Variants in SNX13 observed in about 807,000 individuals in gnomAD.
The protein encoded by SNX13 is sorting nexin-13.
Under a neutral mutation model 133.6 loss-of-function variants are expected in SNX13, and 45 were observed. That is an observed-to-expected ratio of 0.34 (90% CI 0.27 to 0.43). The LOEUF (loss-of-function observed/expected upper bound fraction) is 0.43, where lower values mean the gene tolerates loss of function less well. SNX13 is among the 20% of genes least tolerant of loss of function. The pLI is 1.00. For missense variants in SNX13, 1,032 were observed against 1,145.1 expected (o/e 0.90, Z 1.43); for synonymous variants, 414 against 373.9 (o/e 1.11, Z -1.24).
intron 15 of SNX13, chr7:17,830,904 GGC>G: frequency 1.0e-6 from 1 of 984,362 alleles, no homozygotes; most frequent in Non-Finnish European, 1.2e-6. Flanking sequence ...CCTACAAGGA[GGC>G]AGCTGATATT....
At chr7:17,815,508 C>T (rs964051173) in intron 19 of SNX13, among the ~76,000 whole-genome samples, 97 of 152,196 alleles carry the variant, frequency 6.4e-4, no homozygotes, top group African/African-American at 2.2e-3. Context: ...TCCCTCGAGC[C>T]CAGGAGTTCA....
At chr7:17,864,753 G>A (rs1357217502) in intron 9 of SNX13, among the ~76,000 whole-genome samples, 1 of 151,304 alleles carries the variant, frequency 6.6e-6, no homozygotes, top group Non-Finnish European at 1.5e-5. Flanking sequence ...AGTCCTAAAA[G>A]CTGCATAAAG....
chr7:17,794,066 C>T lies in SNX13; in HGVS notation c.2853G>A (p.Ala951=), dbSNP rs184459414. 129 of 1,611,288 alleles carry T rather than the reference C, an allele frequency of 8.0e-5. 1 individual carries two copies. The highest frequency in any genetic ancestry group is 2.8e-4 in the Admixed American group (17 of 59,736). ...AGTGTCACCTTTTCTGCAAAGAAGG[C>T]GCTTGAGTAGTTTGAAGTTTCTGTT... ...KYKQKLQTTQ[A]PSLQKR The change falls in exon 26 of 26, where the codon GCG becomes GCA. Residue 951 remains alanine, a synonymous_variant. Transcript: ENST00000428135.
At chr7:17,913,375 A>T (rs1475907347) in intron 1 of SNX13, among the ~76,000 whole-genome samples, 2 of 152,128 alleles carry the variant, frequency 1.3e-5, no homozygotes, top group Non-Finnish European at 2.9e-5. Context: ...CTTCTCCAGA[A>T]GCTTCACCCT....
chr7:17,921,967 C>G (rs147814867), intron 1 of SNX13, among the ~76,000 whole-genome samples: 450 of 152,254 alleles, frequency 3.0e-3, no homozygotes, highest in African/African-American at 0.01. Context: ...AGCATTTCAC[C>G]TCCACCAACA....
At chr7:17,901,916 C>A (rs567345745) in intron 1 of SNX13, among the ~76,000 whole-genome samples, 25 of 152,238 alleles carry the variant, frequency 1.6e-4, no homozygotes, top group African/African-American at 5.5e-4. Context: ...TATTTTTTAA[C>A]CAGTTGTTAG....
At chr7:17,896,080 G>C (rs932076773) in intron 2 of SNX13, among the ~76,000 whole-genome samples, 3 of 152,144 alleles carry the variant, frequency 2.0e-5, no homozygotes, top group African/African-American at 7.2e-5. Context: ...TCACTATTCA[G>C]CCATGCTGTC....
chr7:17,847,075 G>A (rs1472881889), intron 11 of SNX13, among the ~76,000 whole-genome samples: 1 of 152,144 alleles, frequency 6.6e-6, no homozygotes, highest in Non-Finnish European at 1.5e-5. Flanking sequence ...AAAAGTGCCT[G>A]GGTAAATACA....
intron 1 of SNX13, among the ~76,000 whole-genome samples, chr7:17,931,080 G>C (rs1801343698): frequency 6.6e-6 from 1 of 152,104 alleles, no homozygotes; most frequent in African/African-American, 2.4e-5. Context: ...ACTCCCACCA[G>C]GATTAACACT....
At chr7:17,902,808 C>T (rs190324334) in intron 1 of SNX13, among the ~76,000 whole-genome samples, 25 of 152,276 alleles carry the variant, frequency 1.6e-4, no homozygotes, top group African/African-American at 5.5e-4. Context: ...GAGCATGCCG[C>T]GAGCATTAGC....
chr7:17,888,715 C>G, intron 5 of SNX13: 1 of 470,736 alleles, frequency 2.1e-6, no homozygotes, highest in Non-Finnish European at 4.4e-6. Flanking sequence ...CTGCTGTATC[C>G]CCAGCATCTG....
intron 1 of SNX13, among the ~76,000 whole-genome samples, chr7:17,913,735 C>T (rs1285112759): frequency 8.3e-6 from 1 of 119,940 alleles, no homozygotes; most frequent in Non-Finnish European, 1.7e-5. Flanking sequence ...AAAGCCCGAG[C>T]CAAACAATAG....
intron 20 of SNX13, among the ~76,000 whole-genome samples, chr7:17,811,782 C>G (rs145175650): frequency 0.015 from 2,231 of 152,224 alleles, 55 homozygotes; most frequent in African/African-American, 0.051. Context: ...CAGCATGGTA[C>G]TGGTACCAAA....
At chr7:17,905,158 A>G (rs969724031) in intron 1 of SNX13, among the ~76,000 whole-genome samples, 4 of 152,212 alleles carry the variant, frequency 2.6e-5, no homozygotes, top group African/African-American at 9.7e-5. Context: ...GCATGGCTAT[A>G]CAATTAAGAA....
rs74568493 is a variant in SNX13 at position 17,896,423 on chromosome 7, A to G, written c.125+911T>C. 3.4e-3 allele frequency among the ~76,000 whole-genome samples: 516 copies of G among 152,288 alleles called. 1 individual carries two copies. Among genetic ancestry groups the G allele is most frequent in the African/African-American group, 0.012 (486 of 41,566 alleles). The stretch of plus-strand genomic sequence containing the variant: ...TGACTATCAAATCTGTATCCCCAAA[A>G]AAGTGATAGATATATTTAGAAGCTA... On this transcript the variant is annotated intron_variant, in intron 2 of 25. Transcript: ENST00000428135.
intron 7 of SNX13, among the ~76,000 whole-genome samples, chr7:17,874,936 G>C (rs149122563): frequency 6.6e-6 from 1 of 152,202 alleles, no homozygotes; most frequent in African/African-American, 2.4e-5. Context: ...AAGAGGAAGA[G>C]AAATTACTAC....
At chr7:17,834,417 T>C (rs552611954) in intron 14 of SNX13, among the ~76,000 whole-genome samples, 6 of 151,984 alleles carry the variant, frequency 3.9e-5, no homozygotes, top group Middle Eastern at 3.4e-3. Context: ...ATTCTAGGAA[T>C]TGTTTTCTAA....
intron 20 of SNX13, among the ~76,000 whole-genome samples, chr7:17,804,558 CAG>C (rs1176827424): frequency 2.0e-5 from 3 of 151,818 alleles, no homozygotes; most frequent in Admixed American, 2.0e-4. Context: ...TAAAAATCTT[CAG>C]AGTGACAGAA....
At chr7:17,868,979 T>C (rs1793728083) in intron 8 of SNX13, among the ~76,000 whole-genome samples, 1 of 152,098 alleles carries the variant, frequency 6.6e-6, no homozygotes, top group Admixed American at 6.5e-5. Context: ...TCTATGCTTC[T>C]CTGTGTTTGA....
Sources: allele counts gnomAD v4.1 joint callset (sites outside exome capture counted in the v4.1 genomes callset), GRCh38; gene constraint gnomAD v4.1.1; transcripts MANE v1.5; gene names NCBI Gene and HGNC (gene_info 2026-07-23, HGNC 2026-07-21).